LATS2: variants seen among roughly 807,000 people sequenced by gnomAD.
LATS2 encodes the protein serine/threonine-protein kinase LATS2.
In LATS2, 24 loss-of-function variants were observed where a neutral mutation model predicts 76.0. The observed-to-expected ratio is 0.32, with a 90% CI of 0.23 to 0.44. LATS2 has a LOEUF of 0.44. Ranked by LOEUF, LATS2 falls within the 20% of genes least tolerant of loss-of-function variation. The pLI is 1.00. For synonymous variants in LATS2, 692 were observed against 635.4 expected (o/e 1.09, Z -1.34); for missense variants, 1,286 against 1,481.2 (o/e 0.87, Z 2.16).
At chr13:21,051,227 G>A (rs1162756274) in intron 1 of LATS2, among the ~76,000 whole-genome samples, 1 of 152,194 alleles carries the variant, frequency 6.6e-6, no homozygotes, top group Non-Finnish European at 1.5e-5. Flanking sequence ...CTTGAGCAGT[G>A]CACAACCTGA....
intron 6 of LATS2, 31 bp from the exon 7 acceptor site, chr13:20,979,828 C>A: frequency 8.1e-7 from 1 of 1,231,682 alleles, no homozygotes; most frequent in South Asian, 1.2e-5. Flanking sequence ...AATCCCTACA[C>A]AGGCATGAAT....
chr13:21,040,359 G>A (rs571138362), intron 2 of LATS2, among the ~76,000 whole-genome samples: 4 of 150,010 alleles, frequency 2.7e-5, no homozygotes, highest in Admixed American at 2.0e-4. Flanking sequence ...CTACAGCCTC[G>A]GCGACAGACC....
At chr13:21,007,039 A>G (rs1461199535) in intron 2 of LATS2, among the ~76,000 whole-genome samples, 1 of 152,216 alleles carries the variant, frequency 6.6e-6, no homozygotes, top group Non-Finnish European at 1.5e-5. Flanking sequence ...GCCCTCAAAG[A>G]GTCACTGACA....
chr13:21,014,845 C>T (rs1163671095), intron 2 of LATS2, among the ~76,000 whole-genome samples: 1 of 152,234 alleles, frequency 6.6e-6, no homozygotes, highest in African/African-American at 2.4e-5. Context: ...AAATACCATG[C>T]AACCTTCTTT....
Position 21,021,574 on chromosome 13 carries a change from T to G in LATS2, c.342+24111A>C, listed in dbSNP as rs1872067622. Among the ~76,000 whole-genome samples the G allele has an allele frequency of 2.0e-5, 3 of 151,828 alleles. No homozygotes were observed. The South Asian group carries it at 6.2e-4, about 31-fold the overall frequency. Reference sequence around the variant, plus strand: ...GAAAACAAAACCCTTTGCCAAGTTCTTACTCCAGTGTGTTTAAATTTCACA... The same window carrying G: ...GAAAACAAAACCCTTTGCCAAGTTCGTACTCCAGTGTGTTTAAATTTCACA... On this transcript the variant is annotated intron_variant, in intron 2 of 7. Transcript: ENST00000382592.
At chr13:20,982,077 T>A (rs1869915207) in intron 5 of LATS2, among the ~76,000 whole-genome samples, 1 of 152,234 alleles carries the variant, frequency 6.6e-6, no homozygotes, top group Non-Finnish European at 1.5e-5. Flanking sequence ...GTTACTTCAA[T>A]GCCAGAAAAT....
In LATS2 at chr13:20,988,749, G is replaced by C. The variant is rs759368766; in HGVS notation, c.1031C>G (p.Pro344Arg). 5 of 1,577,380 alleles carry C rather than the reference G, an allele frequency of 3.2e-6. No homozygotes were observed. The African/African-American group carries it at 5.4e-5, about 17-fold the overall frequency. The change falls in exon 4 of 8, where the codon CCG becomes CGG. Residue 344 changes from proline (P) to arginine (R), a missense_variant. Around this residue, in one of 5 missense-constraint regions of LATS2, gnomAD observed 710 missense variants for 660.9 expected, o/e 1.07. Coordinates refer to ENST00000382592, the MANE Select transcript of LATS2 (RefSeq NM_014572.3). Reference sequence around the variant, plus strand: ...CCGCGAGGGAGTGAGCAGGCTCTGCGGGGGGCTGTCGCTGGCGAACACCTG... The same window carrying C: ...CCGCGAGGGAGTGAGCAGGCTCTGCCGGGGGCTGTCGCTGGCGAACACCTG... The part of the protein sequence containing the change: ...RSQVFASDSP[P>R]QSLLTPSRNS...
intron 2 of LATS2, among the ~76,000 whole-genome samples, chr13:21,023,349 C>T (rs916407894): frequency 2.6e-5 from 4 of 151,922 alleles, no homozygotes; most frequent in Non-Finnish European, 5.9e-5. Context: ...CACAGGCGCT[C>T]GCCCCCTCTC....
At chr13:21,021,756 C>T (rs1422437252) in intron 2 of LATS2, among the ~76,000 whole-genome samples, 2 of 152,148 alleles carry the variant, frequency 1.3e-5, no homozygotes, top group Non-Finnish European at 2.9e-5. Context: ...AAGAGCATGC[C>T]CTTGGTCCAG....
At chr13:20,989,426 T>A in intron 3 of LATS2, 122 bp from the exon 4 acceptor site, 2 of 995,038 alleles carry the variant, frequency 2.0e-6, no homozygotes, top group Non-Finnish European at 1.5e-6. Context: ...CCCTGGGCCC[T>A]GACGTGCTGC....
intron 1 of LATS2, among the ~76,000 whole-genome samples, chr13:21,057,490 T>C (rs1208455418): frequency 1.3e-5 from 2 of 152,240 alleles, no homozygotes. Context: ...CAATATTACC[T>C]TGCTGTTTTC....
Position 20,988,391 on chromosome 13 carries a change from G to A in LATS2, c.1389C>T (p.Pro463=), listed in dbSNP as rs565069404. The change falls in exon 4 of 8, where the codon CCC becomes CCT. Residue 463 remains proline, a synonymous_variant. Transcript: ENST00000382592. ...EPQTAVGPSH[P]AWVPAPAPAP... is the part of the protein sequence containing the mutation. ...CCGGGGCAGGCGCGGGCACCCAGGC[G>A]GGGTGCGAGGGCCCCACAGCCGTCT... 17 of 1,378,590 alleles carry A rather than the reference G, an allele frequency of 1.2e-5. No individual in the cohort carries two copies. The South Asian group carries it at 1.7e-4, about 13-fold the overall frequency. The allele number at this position is 1,378,590 out of a possible 1,614,324, so 85.4% of individuals were successfully genotyped here.
chr13:20,997,917 G>C (rs552764888), intron 2 of LATS2, among the ~76,000 whole-genome samples: 1 of 152,314 alleles, frequency 6.6e-6, no homozygotes, highest in Admixed American at 6.5e-5. Flanking sequence ...AGCCCTTCCT[G>C]GTAAGGAAGC....
chr13:21,059,670 CA>C (rs1873561648), intron 1 of LATS2, among the ~76,000 whole-genome samples: 1 of 149,632 alleles, frequency 6.7e-6, no homozygotes, highest in Non-Finnish European at 1.5e-5. Context: ...AGTTCTTGTT[CA>C]AAATTCTTGT....
At position 20,988,262 on chromosome 13, in the gene LATS2, G is replaced by C. The variant is rs751957428; in HGVS notation, c.1518C>G (p.Tyr506Ter). The change falls in exon 4 of 8, where the codon TAC (tyrosine) becomes TAG (stop). Residue 506 changes from tyrosine to a stop codon, truncating the protein, a stop_gained. Coordinates refer to ENST00000382592, the MANE Select transcript of LATS2 (RefSeq NM_014572.3). LOFTEE classifies it high-confidence loss of function. ...GAGAFPLDVEYGGPDRRCPPP... is the reference protein window; with the variant it reads ...GAGAFPLDVE ...GCGGGCACCTCCGGTCTGGGCCTCC[G>C]TACTCCACGTCCAGCGGGAAGGCGC... is the stretch of plus-strand genomic sequence containing the variant. 6.3e-7 allele frequency: 1 copy of C among 1,596,564 alleles called. No individual in the cohort carries two copies. Among genetic ancestry groups the C allele is most frequent in the Non-Finnish European group, 8.5e-7 (1 of 1,177,346 alleles).
At chr13:20,999,595 T>C (rs1870950601) in intron 2 of LATS2, among the ~76,000 whole-genome samples, 1 of 151,920 alleles carries the variant, frequency 6.6e-6, no homozygotes, top group Non-Finnish European at 1.5e-5. Flanking sequence ...CAGCCTCCTG[T>C]AGTCAGGAGC....
At chr13:21,031,784 C>T (rs1285946764) in intron 2 of LATS2, among the ~76,000 whole-genome samples, 1 of 152,046 alleles carries the variant, frequency 6.6e-6, no homozygotes, top group Non-Finnish European at 1.5e-5. Context: ...TGCTTGAGCC[C>T]GGGAAGGCTG....
At chr13:20,993,556 GTT>G (rs1461002176) in intron 2 of LATS2, among the ~76,000 whole-genome samples, 1 of 151,100 alleles carries the variant, frequency 6.6e-6, no homozygotes, top group Admixed American at 6.6e-5. Context: ...GGCAGGCCAT[GTT>G]GCCTGCCCAT....
chr13:21,007,545 GTATATATATATATA>G lies in LATS2; in HGVS notation c.343-16155_343-16142del, dbSNP rs71090549. The stretch of plus-strand genomic sequence containing the variant: ...CGTAGGGGATGGATATATATATATA[GTATATATATATATA>G]TATATATATATATATATATATATAT... On this transcript the variant is annotated intron_variant, in intron 2 of 7. Transcript: ENST00000382592. Among the ~76,000 whole-genome samples the G allele has an allele frequency of 2.8e-3, 10 of 3,610 alleles. 2 individuals carry two copies. Among genetic ancestry groups the G allele is most frequent in the South Asian group, 0.026 (2 of 78 alleles). The allele number at this position is 3,610 out of a possible 152,430, so 2.4% of individuals were successfully genotyped here. A position where few individuals can be genotyped will look rare whatever the true frequency, so the allele number is the denominator to read the frequency against.
Sources: allele counts gnomAD v4.1 joint callset (sites outside exome capture counted in the v4.1 genomes callset), GRCh38; gene constraint gnomAD v4.1.1; regional missense constraint gnomAD v4.1.1; transcripts MANE v1.5; gene names NCBI Gene and HGNC (gene_info 2026-07-23, HGNC 2026-07-21).